Variants in UNKL observed in about 807,000 individuals in gnomAD.
UNKL encodes the protein unk like zinc finger, also known as putative E3 ubiquitin-protein ligase UNKL.
UNKL carries 60 observed loss-of-function variants against 78.0 expected under a neutral mutation model. The ratio of observed to expected loss-of-function variants is 0.77; its 90% CI spans 0.63 to 0.95. The LOEUF (loss-of-function observed/expected upper bound fraction) is 0.95. UNKL is among the 40% of genes least tolerant of loss of function. The probability of loss-of-function intolerance (pLI) is 0.00; values close to 1 mark genes in which losing one functional copy is unlikely to be tolerated. For synonymous variants in UNKL, 608 were observed against 474.8 expected, an observed-to-expected ratio of 1.28 and a Z score of -3.65; for missense variants, 1,159 against 1,045.7, an observed-to-expected ratio of 1.11 and a Z score of -1.49.
Position 1,403,351 on chromosome 16 carries a change from A to C in UNKL, c.288-7T>G. 6.2e-7 allele frequency: 1 copy of C among 1,613,562 alleles called. No individual in the cohort carries two copies. Among genetic ancestry groups the C allele is most frequent in the African/African-American group, 1.3e-5 (1 of 74,988 alleles). On this transcript the variant is annotated splice_polypyrimidine_tract_variant and splice_region_variant and intron_variant, in intron 2 of 14. Transcript: ENST00000389221. This position sits in a 1 kb window ranked among gnomAD's most constrained non-coding sequence, Gnocchi z 4.8. The stretch of plus-strand genomic sequence containing the variant: ...CCGGTGCAGGTAGGGACACCTGGGG[A>C]GCAGAGAGGCACGCAATGCCTGGTT...
intron 11 of UNKL, among the ~76,000 whole-genome samples, chr16:1,370,709 G>A (rs935093432): frequency 1.3e-5 from 2 of 152,248 alleles, no homozygotes; most frequent in Non-Finnish European, 2.9e-5. Context: ...CAGGCCCCCT[G>A]AAATGGTTTA....
At chr16:1,379,712 TGGCCCCGCCCCGCAACGTGACTC>T (rs1347286722) in intron 10 of UNKL, 9 of 969,518 alleles carry the variant, frequency 9.3e-6, no homozygotes, top group African/African-American at 1.8e-5. Flanking sequence ...CCCTCCGCGC[TGGCCCCGCCCCGCAACGTGACTC>T]GGCCCCGCCC....
chr16:1,363,446 G>GACCACCGAGA lies in UNKL; in HGVS notation c.*2793_*2794insTCTCGGTGGT. 1 of 346,098 alleles carries GACCACCGAGA rather than the reference G, an allele frequency of 2.9e-6. No individual in the cohort carries two copies. Among genetic ancestry groups the GACCACCGAGA allele is most frequent in the Non-Finnish European group, 5.6e-6 (1 of 178,152 alleles). 21.4% of individuals were successfully genotyped at this position (346,098 alleles called of 1,614,324 possible). ...TTCCAGAAATTAATCCACTTGAGGC[G>GACCACCGAGA]TCCACGCGGAACAAGGTCTGCTGAC... On this transcript the variant is annotated 3_prime_UTR_variant, in exon 15 of 15. Coordinates refer to ENST00000389221, the MANE Select transcript of UNKL (RefSeq NM_001372107.1).
chr16:1,384,891 C>CAACTCCCAT (rs980981255), intron 10 of UNKL, among the ~76,000 whole-genome samples: 1 of 151,248 alleles, frequency 6.6e-6, no homozygotes, highest in Non-Finnish European at 1.5e-5. Flanking sequence ...CCAACTCCCA[C>CAACTCCCAT]AACTCCCATC....
At chr16:1,404,362 G>A (rs1596760567) in intron 2 of UNKL, among the ~76,000 whole-genome samples, 2 of 152,342 alleles carry the variant, frequency 1.3e-5, no homozygotes, top group South Asian at 4.1e-4. Flanking sequence ...AGCCAGGGAT[G>A]GCTGGGGACC....
intron 11 of UNKL, among the ~76,000 whole-genome samples, chr16:1,370,901 G>A (rs1420933997): frequency 6.6e-6 from 1 of 152,092 alleles, no homozygotes; most frequent in East Asian, 1.9e-4. Flanking sequence ...GGCTAACATG[G>A]TGAAACCCCG....
chr16:1,372,833 G>A (rs1287413859), intron 10 of UNKL, among the ~76,000 whole-genome samples: 42 of 132,352 alleles, frequency 3.2e-4, no homozygotes, highest in South Asian at 1.3e-3. Flanking sequence ...GGGGCACACC[G>A]CACAGGGACT....
chr16:1,407,319 A>G (rs947658493), intron 2 of UNKL: 2 of 152,310 alleles, frequency 1.3e-5, no homozygotes, highest in African/African-American at 4.8e-5. Flanking sequence ...TCCAGACAGG[A>G]GTTCTGCACC....
At position 1,387,223 on chromosome 16, in the gene UNKL, C is replaced by T. The variant is rs1487626568; in HGVS notation, c.1087-1838G>A. Among the ~76,000 whole-genome samples, 3 of 152,122 alleles carry T rather than the reference C, an allele frequency of 2.0e-5. No individual in the cohort carries two copies. The highest frequency in any genetic ancestry group is 7.2e-5 in the African/African-American group (3 of 41,418). On this transcript the variant is annotated intron_variant, in intron 9 of 14. Transcript: ENST00000389221. The surrounding 1 kb of genome is among the most constrained non-coding windows in gnomAD (Gnocchi z 4.1). ...GGGGACACTCCCAGCCATGCAACAC[C>T]GGGGACACTCCCAGCCATGCATGGT...
intron 9 of UNKL, among the ~76,000 whole-genome samples, chr16:1,386,914 C>T (rs150644653): frequency 0.01 from 1,576 of 152,306 alleles, 14 homozygotes; most frequent in Non-Finnish European, 0.015. Flanking sequence ...GCCACCAGAG[C>T]TCCCTGCCCA....
chr16:1,398,589 G>C, intron 5 of UNKL: 3 of 1,413,276 alleles, frequency 2.1e-6, no homozygotes, highest in Non-Finnish European at 2.8e-6. Flanking sequence ...AGGCGAGGGT[G>C]GCTCTCTGCT....
chr16:1,393,068 T>C, intron 7 of UNKL, 92 bp from the exon 8 acceptor site: 2 of 1,322,310 alleles, frequency 1.5e-6, no homozygotes, highest in South Asian at 1.3e-5. Flanking sequence ...GGGCCGAGTG[T>C]GCGCAGCCTC....
intron 13 of UNKL, 68 bp from the exon 14 acceptor site, chr16:1,367,417 G>A: frequency 6.8e-7 from 1 of 1,475,954 alleles, no homozygotes; most frequent in Admixed American, 2.1e-5. Context: ...TCTTGCCTGT[G>A]TCACCAGCGA....
chr16:1,396,971 C>G (rs1050948052), intron 6 of UNKL: 4 of 574,732 alleles, frequency 7.0e-6, no homozygotes, highest in Non-Finnish European at 1.2e-5. Context: ...TGGAGAGACT[C>G]GCTGGCTGAG....
intron 9 of UNKL, 165 bp from the exon 10 acceptor site, chr16:1,385,550 A>G (rs1313883647): frequency 1.0e-5 from 6 of 599,376 alleles, no homozygotes; most frequent in African/African-American, 9.7e-5. Flanking sequence ...CGCACCGAGG[A>G]GAAACACCAG....
chr16:1,405,448 G>A (rs1390110105), intron 2 of UNKL, among the ~76,000 whole-genome samples: 2 of 151,774 alleles, frequency 1.3e-5, no homozygotes, highest in African/African-American at 2.4e-5. Flanking sequence ...ATGATAGCAG[G>A]CGCTTATAAT....
At chr16:1,376,992 G>A (rs115054857) in intron 10 of UNKL, among the ~76,000 whole-genome samples, 2,858 of 152,052 alleles carry the variant, frequency 0.019, 86 homozygotes, top group African/African-American at 0.065. Flanking sequence ...TAGGTGCGAC[G>A]CCTGGGGTTC....
chr16:1,367,491 T>TCCCCCCC, intron 13 of UNKL, 142 bp from the exon 14 acceptor site: 1 of 18,824 alleles, frequency 5.3e-5, no homozygotes, highest in Non-Finnish European at 9.1e-5. Flanking sequence ...CGGCCCTCCC[T>TCCCCCCC]CCCTCCCTCC....
Position 1,366,777 on chromosome 16 carries a change from GA to G in UNKL, c.2046+314del, listed in dbSNP as rs1399595885. On this transcript the variant is annotated intron_variant, in intron 14 of 14. Transcript: ENST00000389221. ...AGGTGAGGAGGGGCACGCCGAAGTG[GA>G]GGGGTCATGTGTGAGGGTCACAGCT... 6.6e-5 allele frequency among the ~76,000 whole-genome samples: 10 copies of G among 152,288 alleles called. No individual in the cohort carries two copies. In the East Asian group the frequency reaches 1.9e-3, roughly 29 times the overall value.
Sources: allele counts gnomAD v4.1 joint callset (sites outside exome capture counted in the v4.1 genomes callset), GRCh38; gene constraint gnomAD v4.1.1; non-coding constraint Gnocchi (gnomAD v3.1); transcripts MANE v1.5; gene names NCBI Gene and HGNC (gene_info 2026-07-23, HGNC 2026-07-21).